The following FRAS1 variants were observed in gnomAD, a reference collection of about 807,000 sequenced individuals.
FRAS1 encodes extracellular matrix organizing protein FRAS1.
In FRAS1, 290 loss-of-function variants were observed where a neutral mutation model predicts 435.2. The ratio of observed to expected loss-of-function variants is 0.67; its 90% confidence interval spans 0.61 to 0.73. The LOEUF is 0.73. Ranked by LOEUF, FRAS1 falls within the 30% of genes least tolerant of loss-of-function variation. The probability of loss-of-function intolerance (pLI) is 0.00; values close to 1 mark genes in which losing one functional copy is unlikely to be tolerated. For missense variants in FRAS1, 4,860 were observed against 5,001.5 expected (o/e 0.97, Z 0.85); for synonymous variants, 1,800 against 1,851.0 (o/e 0.97, Z 0.71).
chr4:78,161,985 T>C (rs1721163528), intron 2 of FRAS1, among the ~76,000 whole-genome samples: 2 of 152,116 alleles, frequency 1.3e-5, no homozygotes, highest in South Asian at 4.1e-4. Flanking sequence ...TTGATGAAGA[T>C]GAATTTAGTC....
In FRAS1 at chr4:78,513,399, A is replaced by G; in HGVS notation, c.10021A>G (p.Ile3341Val). The G allele has an allele frequency of 6.2e-7, 1 of 1,613,708 alleles. No homozygotes were observed. The highest frequency in any genetic ancestry group is 8.5e-7 in the Non-Finnish European group (1 of 1,179,744). The change falls in exon 65 of 74, where the codon ATT (isoleucine) becomes GTT (valine). Residue 3341 changes from isoleucine (I) to valine (V), a missense_variant. Transcript: ENST00000512123. ...CTGCCTTTTTCCCCCTAGAATCCACATTTCGGTGCAGATCCCACACCAGGA... is the reference window on the plus strand; with the variant it reads ...CTGCCTTTTTCCCCCTAGAATCCACGTTTCGGTGCAGATCCCACACCAGGA... ...KHKEHPNRIH[I>V]SVQIPHQDGM...
At chr4:78,282,261 G>A (rs1290980391) in intron 11 of FRAS1, among the ~76,000 whole-genome samples, 1 of 152,134 alleles carries the variant, frequency 6.6e-6, no homozygotes, top group East Asian at 1.9e-4. Flanking sequence ...AATTTGCTTG[G>A]CTGAAAAAGG....
At chr4:78,213,672 G>T (rs1298457463) in intron 2 of FRAS1, among the ~76,000 whole-genome samples, 1 of 151,948 alleles carries the variant, frequency 6.6e-6, no homozygotes, top group African/African-American at 2.4e-5. Context: ...TTTTTTACTG[G>T]ATTCTGTATC....
intron 2 of FRAS1, among the ~76,000 whole-genome samples, chr4:78,165,370 A>G (rs1721293945): frequency 6.6e-6 from 1 of 152,196 alleles, no homozygotes; most frequent in Non-Finnish European, 1.5e-5. Context: ...AAACCCGAGG[A>G]TCTTGCAAGT....
chr4:78,306,754 A>G (rs886464315), intron 14 of FRAS1, among the ~76,000 whole-genome samples: 15 of 151,516 alleles, frequency 9.9e-5, no homozygotes, highest in Admixed American at 2.6e-4. Context: ...TATTCTAGTT[A>G]TACATTCTTC....
chr4:78,429,549 G>A (rs1162426346), intron 36 of FRAS1, among the ~76,000 whole-genome samples: 5 of 152,118 alleles, frequency 3.3e-5, no homozygotes, highest in East Asian at 1.9e-4. Context: ...TTTCAATGGC[G>A]GCTCTTGTTT....
chr4:78,284,766 A>G (rs920190752), intron 13 of FRAS1, among the ~76,000 whole-genome samples: 48 of 152,218 alleles, frequency 3.2e-4, no homozygotes, highest in African/African-American at 1.0e-3. Context: ...CTGACATTTT[A>G]TAGGTATTTT....
chr4:78,163,858 T>C (rs1423855934), intron 2 of FRAS1, among the ~76,000 whole-genome samples: 1 of 152,222 alleles, frequency 6.6e-6, no homozygotes, highest in Non-Finnish European at 1.5e-5. Context: ...GGAGTTCTTA[T>C]TCATTTTTCT....
At chr4:78,136,090 A>G (rs1373020099) in intron 2 of FRAS1, among the ~76,000 whole-genome samples, 3 of 152,260 alleles carry the variant, frequency 2.0e-5, no homozygotes, top group Non-Finnish European at 2.9e-5. Flanking sequence ...TGAGTGAAGC[A>G]TATCTAACAC....
In FRAS1 at chr4:78,235,208, T is replaced by C. The variant is rs896822134; in HGVS notation, c.109-2302T>C. On this transcript the variant is annotated intron_variant, in intron 2 of 73. Coordinates refer to ENST00000512123, the MANE Select transcript of FRAS1 (RefSeq NM_025074.7). ...AGTCAACTGATTGTTCATGGTACTC[T>C]CCTCTACAAAGTACCTCCACAGCGA... 3.3e-5 allele frequency among the ~76,000 whole-genome samples: 5 copies of C among 152,210 alleles called. No homozygotes were observed. In the South Asian group the frequency reaches 6.2e-4, roughly 19 times the overall value.
chr4:78,277,109 C>T (rs112052757), intron 9 of FRAS1, among the ~76,000 whole-genome samples: 1,538 of 152,276 alleles, frequency 0.01, 15 homozygotes, highest in African/African-American at 0.035. Flanking sequence ...TGGGACCCTC[C>T]GAGCCAGGCG....
intron 4 of FRAS1, among the ~76,000 whole-genome samples, chr4:78,247,527 C>T (rs945274195): frequency 6.6e-6 from 1 of 151,932 alleles, no homozygotes; most frequent in African/African-American, 2.4e-5. Flanking sequence ...TCTGTCCTTC[C>T]TCTCTTTCTT....
At chr4:78,430,538 A>C (rs557000606) in intron 37 of FRAS1, 121 bp downstream of exon 37, 75 of 1,014,760 alleles carry the variant, frequency 7.4e-5, no homozygotes, top group Non-Finnish European at 9.7e-5. Flanking sequence ...ATGAGGAGCT[A>C]TTTTGTGTGT....
chr4:78,446,186 G>A, intron 42 of FRAS1: 3 of 999,356 alleles, frequency 3.0e-6, no homozygotes, highest in South Asian at 4.6e-5. Flanking sequence ...CACAGGGGAG[G>A]GGAAAGATAA....
intron 2 of FRAS1, among the ~76,000 whole-genome samples, chr4:78,112,650 CTTAG>C (rs949541879): frequency 9.9e-5 from 15 of 151,944 alleles, no homozygotes; most frequent in East Asian, 3.8e-4. Context: ...CTACTTATTT[CTTAG>C]TTAGTGCAGT....
At chr4:78,497,572 A>C (rs1183158985) in intron 60 of FRAS1, among the ~76,000 whole-genome samples, 1 of 152,220 alleles carries the variant, frequency 6.6e-6, no homozygotes, top group Non-Finnish European at 1.5e-5. Context: ...ACTGTATACC[A>C]AGAACTATGC....
intron 14 of FRAS1, among the ~76,000 whole-genome samples, chr4:78,291,081 C>A (rs1489315653): frequency 4.6e-5 from 7 of 152,232 alleles, no homozygotes; most frequent in Non-Finnish European, 1.0e-4. Flanking sequence ...CACCTGGTTT[C>A]TAATCTTGCC....
chr4:78,258,129 C>T (rs1372105907), intron 6 of FRAS1, among the ~76,000 whole-genome samples: 1 of 151,868 alleles, frequency 6.6e-6, no homozygotes, highest in Non-Finnish European at 1.5e-5. Context: ...TTGCTTGAGC[C>T]CAGGAGTTCG....
At chr4:78,330,666 A>G (rs931213836) in intron 18 of FRAS1, among the ~76,000 whole-genome samples, 3 of 152,232 alleles carry the variant, frequency 2.0e-5, no homozygotes, top group African/African-American at 7.2e-5. Flanking sequence ...CCAGTCTCCC[A>G]TAGCACTCCC....
Sources: allele counts gnomAD v4.1 joint callset (sites outside exome capture counted in the v4.1 genomes callset), GRCh38; gene constraint gnomAD v4.1.1; transcripts MANE v1.5; gene names NCBI Gene and HGNC (gene_info 2026-07-23, HGNC 2026-07-21).